Variants in TRIM67 observed in about 807,000 individuals in gnomAD.
TRIM67 encodes the protein tripartite motif containing 67.
A neutral mutation model predicts 71.0 loss-of-function variants in TRIM67; 39 were observed. That is an observed-to-expected ratio of 0.55 (90% CI 0.43 to 0.72). The LOEUF (loss-of-function observed/expected upper bound fraction) is 0.72, where lower values mean the gene tolerates loss of function less well. Ranked by LOEUF, TRIM67 falls within the 30% of genes least tolerant of loss-of-function variation. The pLI is 0.00. For missense variants in TRIM67, 973 were observed against 1,079.2 expected (o/e 0.90, Z 1.38); for synonymous variants, 481 against 473.9 (o/e 1.01, Z -0.19).
chr1:231,219,394 T>C lies in TRIM67; in HGVS notation c.*3954T>C. ...CAGTGGTTTGTCATGCATGGATCTG[T>C]AGAGGGACTGTGGCGCTCCGGCTGC... On this transcript the variant is annotated 3_prime_UTR_variant, in exon 10 of 10. Transcript: ENST00000366653. The C allele has an allele frequency of 9.9e-7, 1 of 1,009,652 alleles. No individual in the cohort carries two copies. The highest frequency in any genetic ancestry group is 1.7e-5 in the African/African-American group (1 of 57,632). 62.5% of individuals were successfully genotyped at this position (1,009,652 alleles called of 1,614,324 possible).
intron 1 of TRIM67, among the ~76,000 whole-genome samples, chr1:231,176,907 A>AAAAAAAAAAAAAAAAAAC (rs1682764489): frequency 3.4e-5 from 2 of 58,166 alleles, no homozygotes; most frequent in Non-Finnish European, 6.0e-5. Flanking sequence ...ACAATCTGGC[A>AAAAAAAAAAAAAAAAAAC]AAAAAAAAAA....
In TRIM67 at chr1:231,217,110, C is replaced by A; in HGVS notation, c.*1670C>A. 2.9e-5 allele frequency: 29 copies of A among 985,856 alleles called. No individual in the cohort carries two copies. Among genetic ancestry groups the A allele is most frequent in the Non-Finnish European group, 3.4e-5 (28 of 829,994 alleles). The allele number at this position is 985,856 out of a possible 1,614,324, so 61.1% of individuals were successfully genotyped here. On this transcript the variant is annotated 3_prime_UTR_variant, in exon 10 of 10. Transcript: ENST00000366653. The stretch of plus-strand genomic sequence containing the variant: ...CTGCCTGCCGGAGCCATGCAGGTAC[C>A]CCCCCTCCACTCAGCAGGCCCGACA...
At chr1:231,203,808 G>A in intron 5 of TRIM67, 59 bp from the exon 6 acceptor site, 2 of 1,562,938 alleles carry the variant, frequency 1.3e-6, no homozygotes, top group Admixed American at 3.5e-5. Context: ...TGGGGTGGGG[G>A]ACCGGGCTGG....
At chr1:231,192,674 G>A (rs1362852335) in intron 1 of TRIM67, among the ~76,000 whole-genome samples, 1 of 152,238 alleles carries the variant, frequency 6.6e-6, no homozygotes, top group East Asian at 1.9e-4. Flanking sequence ...CTCGACAGCG[G>A]CTAGCCCTCA....
At chr1:231,188,932 A>G (rs1683159188) in intron 1 of TRIM67, among the ~76,000 whole-genome samples, 2 of 152,158 alleles carry the variant, frequency 1.3e-5, no homozygotes, top group African/African-American at 4.8e-5. Context: ...CACAAAAATG[A>G]CATTGTTCTC....
intron 1 of TRIM67, among the ~76,000 whole-genome samples, chr1:231,166,548 G>A (rs1476918991): frequency 6.6e-6 from 1 of 151,902 alleles, no homozygotes; most frequent in Non-Finnish European, 1.5e-5. Context: ...TCTGGATTTT[G>A]TTGTTGTTAT....
At chr1:231,204,130 G>A in intron 6 of TRIM67, 118 bp downstream of exon 6, 1 of 1,430,928 alleles carries the variant, frequency 7.0e-7, no homozygotes, top group Non-Finnish European at 9.5e-7. Flanking sequence ...CATCCTGAGG[G>A]GACACTGGCC....
At position 231,220,049 on chromosome 1, in the gene TRIM67, ACCTACCT is replaced by A; in HGVS notation, c.*4613_*4619del. ...ACCTGAAATGAGACTAGTCATACTA[ACCTACCT>A]CCTCTGATGTATTGTGAGGATTATA... On this transcript the variant is annotated 3_prime_UTR_variant, in exon 10 of 10. Transcript: ENST00000366653. 1 of 922,240 alleles carries A rather than the reference ACCTACCT, an allele frequency of 1.1e-6. No homozygotes were observed. Among genetic ancestry groups the A allele is most frequent in the Non-Finnish European group, 1.5e-6 (1 of 653,852 alleles). 57.1% of individuals were successfully genotyped at this position (922,240 alleles called of 1,614,324 possible). A position where few individuals can be genotyped will look rare whatever the true frequency, so the allele number is the denominator to read the frequency against.
chr1:231,200,135 C>T lies in TRIM67; in HGVS notation c.1264-13C>T, dbSNP rs1308371202. On this transcript the variant is annotated splice_polypyrimidine_tract_variant and intron_variant, in intron 3 of 9. Transcript: ENST00000366653. ...TCATGAGACAGTTACTTAGAGGAGT[C>T]TTTCCATTGCAGATGGTTTGGGACC... The T allele has an allele frequency of 1.9e-6, 3 of 1,602,682 alleles. No individual in the cohort carries two copies. The highest frequency in any genetic ancestry group is 4.5e-5 in the East Asian group (2 of 44,804).
rs574561830 is a variant in TRIM67 at position 231,191,459 on chromosome 1, C to T, written c.1045-5912C>T. 7.9e-5 allele frequency among the ~76,000 whole-genome samples: 12 copies of T among 152,242 alleles called. No homozygotes were observed. In the South Asian group the frequency reaches 2.5e-3, roughly 32 times the overall value. ...AACAAAGCCGCTCTCCGCGGACTGG[C>T]AAGGGGTGTTGAGATGGTGGGTGGG... On this transcript the variant is annotated intron_variant, in intron 1 of 9. Coordinates refer to ENST00000366653, the MANE Select transcript of TRIM67 (RefSeq NM_001004342.5).
At chr1:231,192,050 T>C (rs1683242936) in intron 1 of TRIM67, among the ~76,000 whole-genome samples, 1 of 152,154 alleles carries the variant, frequency 6.6e-6, no homozygotes, top group African/African-American at 2.4e-5. Flanking sequence ...GGCTCAGGCC[T>C]GTAATCCCAG....
chr1:231,212,136 A>G (rs1683889262), intron 8 of TRIM67, among the ~76,000 whole-genome samples: 1 of 152,210 alleles, frequency 6.6e-6, no homozygotes, highest in South Asian at 2.1e-4. Context: ...TAATAATTCT[A>G]CAGAAGTAAA....
Position 231,218,480 on chromosome 1 carries a change from C to T in TRIM67, c.*3040C>T. 1.0e-6 allele frequency: 1 copy of T among 985,424 alleles called. No homozygotes were observed. Among genetic ancestry groups the T allele is most frequent in the Non-Finnish European group, 1.2e-6 (1 of 829,944 alleles). The allele number at this position is 985,424 out of a possible 1,614,324, so 61.0% of individuals were successfully genotyped here. A position where few individuals can be genotyped will look rare whatever the true frequency, so the allele number is the denominator to read the frequency against. On this transcript the variant is annotated 3_prime_UTR_variant, in exon 10 of 10. Coordinates refer to ENST00000366653, the MANE Select transcript of TRIM67 (RefSeq NM_001004342.5). ...AGCTTGGTCAAAGTGTATGCCTTTT[C>T]CTTTTAAAATTAATCTCTTCCGAAA...
chr1:231,211,692 A>T (rs923250571), intron 8 of TRIM67, among the ~76,000 whole-genome samples: 1 of 152,140 alleles, frequency 6.6e-6, no homozygotes, highest in Non-Finnish European at 1.5e-5. Flanking sequence ...CTGCCCTACC[A>T]GCAGCGTCCA....
At chr1:231,176,716 A>G (rs1263176541) in intron 1 of TRIM67, among the ~76,000 whole-genome samples, 2 of 152,118 alleles carry the variant, frequency 1.3e-5, no homozygotes, top group Non-Finnish European at 2.9e-5. Flanking sequence ...TCTGGAGACA[A>G]TGGGGGAAAA....
At chr1:231,182,275 A>G (rs772729093) in intron 1 of TRIM67, among the ~76,000 whole-genome samples, 1 of 152,202 alleles carries the variant, frequency 6.6e-6, no homozygotes, top group Non-Finnish European at 1.5e-5. Flanking sequence ...ATCTCCCAAG[A>G]TGGCACAATT....
At chr1:231,187,693 G>A (rs902150810) in intron 1 of TRIM67, 39 of 889,988 alleles carry the variant, frequency 4.4e-5, no homozygotes, top group Non-Finnish European at 6.3e-5. Context: ...GGCGGAGTGG[G>A]AGAGGCGGGG....
Position 231,163,179 on chromosome 1 carries a change from C to T in TRIM67, c.210C>T (p.Asp70=). 3 of 1,493,352 alleles carry T rather than the reference C, an allele frequency of 2.0e-6. 1 individual carries two copies. The highest frequency in any genetic ancestry group is 2.6e-5 in the South Asian group (2 of 76,404). 92.5% of individuals were successfully genotyped at this position (1,493,352 alleles called of 1,614,324 possible). A position where few individuals can be genotyped will look rare whatever the true frequency, so the allele number is the denominator to read the frequency against. Residue 70 remains aspartate, a synonymous_variant, in exon 1 of 10, where the codon GAC becomes GAT. Transcript: ENST00000366653. ...CCGCCGCTGCCTCTCTGGAGCACGA[C>T]GCTGCGGCTGGCCCGGCCTGCGGCG... The part of the protein sequence containing the change: ...GAAAAASLEH[D]AAAGPACGGA...
chr1:231,162,906 G>A lies in TRIM67; in HGVS notation c.-64G>A. 1 of 1,559,708 alleles carries A rather than the reference G, an allele frequency of 6.4e-7. No individual in the cohort carries two copies. The highest frequency in any genetic ancestry group is 2.4e-5 in the East Asian group (1 of 42,152). ...GGGCGCACCGCGCTGGTCCTCCTCC[G>A]CCAGTCTCCCGAGCTCCGGCCATTC... On this transcript the variant is annotated 5_prime_UTR_variant, in exon 1 of 10. Coordinates refer to ENST00000366653, the MANE Select transcript of TRIM67 (RefSeq NM_001004342.5).
Sources: allele counts gnomAD v4.1 joint callset (sites outside exome capture counted in the v4.1 genomes callset), GRCh38; gene constraint gnomAD v4.1.1; transcripts MANE v1.5; gene names NCBI Gene and HGNC (gene_info 2026-07-23, HGNC 2026-07-21).